SCML2: variants seen among roughly 807,000 people sequenced by gnomAD.
The protein encoded by SCML2 is Scm polycomb group protein like 2.
SCML2 carries 6 observed loss-of-function variants against 48.4 expected under a neutral mutation model. The ratio of observed to expected loss-of-function variants is 0.12; its 90% CI spans 0.07 to 0.24. The LOEUF (loss-of-function observed/expected upper bound fraction) is 0.24, where lower values mean the gene tolerates loss of function less well. SCML2 is among the 10% of genes least tolerant of loss of function. The pLI, the probability that SCML2 is intolerant of heterozygous loss-of-function variation, is 1.00. For missense variants in SCML2, 377 were observed against 528.2 expected (o/e 0.71, Z 2.81); for synonymous variants, 181 against 189.5 (o/e 0.95, Z 0.37).
intron 6 of SCML2, among the ~76,000 whole-genome samples, chrX:18,314,089 C>CT (rs1248356293): frequency 3.6e-5 from 4 of 112,183 alleles, no homozygotes; most frequent in African/African-American, 1.3e-4. Flanking sequence ...TTCACCTGGA[C>CT]TTTAGCTCTT....
chrX:18,259,339 A>G, intron 9 of SCML2, among the ~76,000 whole-genome samples: 1 of 111,585 alleles, frequency 9.0e-6, no homozygotes. Flanking sequence ...CCCCCTAAGA[A>G]GCATGTTATT....
intron 1 of SCML2, among the ~76,000 whole-genome samples, chrX:18,335,874 G>C (rs1036589013): frequency 8.9e-5 from 10 of 112,094 alleles, no homozygotes; most frequent in African/African-American, 3.2e-4. Flanking sequence ...AGAGAAATAT[G>C]CTGATTCTAA....
chrX:18,319,617 A>C (rs1929249811), intron 6 of SCML2, among the ~76,000 whole-genome samples: 1 of 109,303 alleles, frequency 9.1e-6, no homozygotes, highest in Non-Finnish European at 1.9e-5. Flanking sequence ...ACAAAAAAAA[A>C]AAAACCTGCT....
intron 1 of SCML2, among the ~76,000 whole-genome samples, chrX:18,344,194 T>C (rs1310217344): frequency 5.5e-5 from 6 of 109,875 alleles, no homozygotes; most frequent in African/African-American, 2.0e-4. Context: ...AAATAATAAA[T>C]ACATAAATAA....
chrX:18,328,496 C>A (rs1048135277), intron 3 of SCML2, among the ~76,000 whole-genome samples: 1 of 110,942 alleles, frequency 9.0e-6, no homozygotes, highest in Non-Finnish European at 1.9e-5. Flanking sequence ...CACAGAGAGA[C>A]CCCGTCTCTA....
intron 5 of SCML2, among the ~76,000 whole-genome samples, chrX:18,322,051 T>A (rs1390811462): frequency 8.9e-6 from 1 of 111,928 alleles, no homozygotes; most frequent in Non-Finnish European, 1.9e-5. Flanking sequence ...TTATGACCTG[T>A]ACACCTTTCA....
intron 7 of SCML2, among the ~76,000 whole-genome samples, chrX:18,286,525 A>T (rs1928058907): frequency 9.0e-6 from 1 of 111,257 alleles, no homozygotes; most frequent in African/African-American, 3.3e-5. Flanking sequence ...AAAGAAACTG[A>T]CTCAGCAGAA....
chrX:18,276,243 A>G (rs763502482), intron 7 of SCML2, among the ~76,000 whole-genome samples: 256 of 109,827 alleles, frequency 2.3e-3, no homozygotes, highest in Non-Finnish European at 3.4e-3. Flanking sequence ...GCAGTGAGCC[A>G]AGATTGCACG....
chrX:18,257,742 G>C (rs1375233754), intron 10 of SCML2, among the ~76,000 whole-genome samples: 1 of 108,058 alleles, frequency 9.3e-6, no homozygotes, highest in African/African-American at 3.4e-5. Context: ...ACAAAAGTTA[G>C]CCAGGCATGA....
intron 7 of SCML2, among the ~76,000 whole-genome samples, chrX:18,285,511 A>G (rs1006255080): frequency 1.8e-5 from 2 of 110,366 alleles, no homozygotes; most frequent in African/African-American, 3.3e-5. Context: ...CTGAGCACAC[A>G]TGGACATAAA....
At chrX:18,331,344 T>C (rs1929656556) in intron 2 of SCML2, among the ~76,000 whole-genome samples, 1 of 102,162 alleles carries the variant, frequency 9.8e-6, no homozygotes, top group African/African-American at 3.6e-5. Context: ...TAAATTAACA[T>C]GTCCTAGAAA....
chrX:18,315,859 A>G (rs954313101), intron 6 of SCML2, among the ~76,000 whole-genome samples: 1 of 110,385 alleles, frequency 9.1e-6, no homozygotes, highest in African/African-American at 3.3e-5. Flanking sequence ...AACATCCTGC[A>G]TTGTAATCCC....
chrX:18,338,847 G>A (rs1294820238), intron 1 of SCML2, among the ~76,000 whole-genome samples: 1 of 107,063 alleles, frequency 9.3e-6, no homozygotes, highest in Non-Finnish European at 1.9e-5. Flanking sequence ...CTGGGAAGTC[G>A]AGGCTGCAGT....
chrX:18,321,507 A>G (rs1045972968), intron 5 of SCML2, among the ~76,000 whole-genome samples: 2 of 109,061 alleles, frequency 1.8e-5, no homozygotes, highest in African/African-American at 3.4e-5. Context: ...TCCATCAATA[A>G]AACAAAACAT....
chrX:18,275,058 C>T (rs1927584253), intron 7 of SCML2, among the ~76,000 whole-genome samples: 1 of 111,815 alleles, frequency 8.9e-6, no homozygotes. Flanking sequence ...CCCCCACCTT[C>T]GAGCTGTCCC....
chrX:18,287,966 CA>C (rs1323534423), intron 7 of SCML2, among the ~76,000 whole-genome samples: 1 of 111,087 alleles, frequency 9.0e-6, no homozygotes, highest in Non-Finnish European at 1.9e-5. Context: ...TCAAAAGAAC[CA>C]AGATTTTGGT....
chrX:18,244,590 T>C (rs1308320878), intron 13 of SCML2, among the ~76,000 whole-genome samples: 1 of 111,973 alleles, frequency 8.9e-6, no homozygotes, highest in Non-Finnish European at 1.9e-5. Flanking sequence ...CATTACATTA[T>C]TGTTATTCAA....
intron 1 of SCML2, among the ~76,000 whole-genome samples, chrX:18,348,001 G>GT (rs1217654770): frequency 8.9e-6 from 1 of 111,770 alleles, no homozygotes; most frequent in Admixed American, 9.6e-5. Context: ...CAAAAAACCT[G>GT]TAAGTTAATC....
At chrX:18,268,359 A>G (rs1362677569) in intron 7 of SCML2, among the ~76,000 whole-genome samples, 1 of 111,070 alleles carries the variant, frequency 9.0e-6, no homozygotes, top group Admixed American at 9.5e-5. Context: ...GTGAAACCCC[A>G]TTTCTACTAA....
Sources: allele counts gnomAD v4.1 joint callset (sites outside exome capture counted in the v4.1 genomes callset), GRCh38; gene constraint gnomAD v4.1.1; transcripts MANE v1.5; gene names NCBI Gene and HGNC (gene_info 2026-07-23, HGNC 2026-07-21).